The following PRKN variants were observed in gnomAD, a reference collection of about 807,000 sequenced individuals.
PRKN encodes the protein parkin RBR E3 ubiquitin protein ligase, also known as E3 ubiquitin-protein ligase parkin.
PRKN carries 56 observed loss-of-function variants against 59.5 expected under a neutral mutation model. The observed-to-expected ratio is 0.94, with a 90% CI of 0.76 to 1.18. The LOEUF is 1.18. Ranked by LOEUF, PRKN falls within the 50% of genes most tolerant of loss-of-function variation. The probability of loss-of-function intolerance (pLI) is 0.00; values close to 1 mark genes in which losing one functional copy is unlikely to be tolerated. For synonymous variants in PRKN, 250 were observed against 222.1 expected, an observed-to-expected ratio of 1.13 and a Z score of -1.12; for missense variants, 657 against 596.4, an observed-to-expected ratio of 1.10 and a Z score of -1.06.
At chr6:162,434,007 C>T (rs957322702) in intron 2 of PRKN, among the ~76,000 whole-genome samples, 1 of 152,112 alleles carries the variant, frequency 6.6e-6, no homozygotes, top group Admixed American at 6.5e-5. Flanking sequence ...ATCTGAGTGA[C>T]ACCTCTGAAT....
chr6:162,620,325 T>C (rs1422107212), intron 1 of PRKN, among the ~76,000 whole-genome samples: 1 of 152,210 alleles, frequency 6.6e-6, no homozygotes, highest in Non-Finnish European at 1.5e-5. Flanking sequence ...TTCCGTGTTC[T>C]GCCACCTTCT....
intron 2 of PRKN, among the ~76,000 whole-genome samples, chr6:162,313,133 T>TTG (rs1323661726): frequency 2.6e-5 from 4 of 152,148 alleles, no homozygotes; most frequent in African/African-American, 9.7e-5. Flanking sequence ...TTCATACAAT[T>TTG]TGCCATCTTA....
chr6:162,497,774 G>C (rs1297497502), intron 1 of PRKN, among the ~76,000 whole-genome samples: 5 of 152,160 alleles, frequency 3.3e-5, no homozygotes, highest in African/African-American at 1.2e-4. Context: ...AAGCATAAGG[G>C]GGGAGGAGGA....
intron 5 of PRKN, among the ~76,000 whole-genome samples, chr6:161,977,542 G>GTTCTTTTTTTTTTT (rs1781085385): frequency 9.6e-6 from 1 of 104,522 alleles, no homozygotes. Context: ...TGTTTTTTTG[G>GTTCTTTTTTTTTTT]TTTTTTTTTT....
At chr6:161,649,217 T>A (rs1187992358) in intron 7 of PRKN, among the ~76,000 whole-genome samples, 2 of 152,202 alleles carry the variant, frequency 1.3e-5, no homozygotes, top group Admixed American at 1.3e-4. Context: ...TACATTTGCA[T>A]GACTGACCCC....
chr6:161,941,619 A>G (rs1359163042), intron 6 of PRKN, among the ~76,000 whole-genome samples: 1 of 152,192 alleles, frequency 6.6e-6, no homozygotes, highest in East Asian at 1.9e-4. Flanking sequence ...CTGTCTACAG[A>G]TGGCTAAACT....
intron 5 of PRKN, among the ~76,000 whole-genome samples, chr6:162,021,462 T>TATA (rs1554261961): frequency 0.11 from 4,062 of 37,598 alleles, 56 homozygotes; most frequent in Admixed American, 0.15. Flanking sequence ...TATATATATA[T>TATA]TTTTTTTTTT....
intron 9 of PRKN, among the ~76,000 whole-genome samples, chr6:161,394,395 C>T (rs1409362540): frequency 6.6e-6 from 1 of 152,160 alleles, no homozygotes; most frequent in African/African-American, 2.4e-5. Flanking sequence ...TACTAATCCC[C>T]AGGGATATTA....
intron 4 of PRKN, among the ~76,000 whole-genome samples, chr6:162,193,710 T>A (rs1784383576): frequency 1.3e-5 from 2 of 152,164 alleles, no homozygotes; most frequent in Admixed American, 1.3e-4. Context: ...CAAAGGCTGA[T>A]TCACTGGCTG....
chr6:161,820,839 G>A (rs1013392519), intron 6 of PRKN, among the ~76,000 whole-genome samples: 9 of 151,520 alleles, frequency 5.9e-5, no homozygotes, highest in African/African-American at 2.2e-4. Flanking sequence ...GTGGTTATGT[G>A]TAACATAGTA....
At chr6:162,365,542 A>T (rs1562704512) in intron 2 of PRKN, among the ~76,000 whole-genome samples, 1 of 152,008 alleles carries the variant, frequency 6.6e-6, no homozygotes, top group Non-Finnish European at 1.5e-5. Context: ...GGAACTTCTT[A>T]TACCAAATCT....
chr6:161,450,845 A>G (rs569141081), intron 9 of PRKN, among the ~76,000 whole-genome samples: 66 of 128,046 alleles, frequency 5.2e-4, no homozygotes, highest in African/African-American at 1.1e-3. Context: ...GTGAGCCACC[A>G]TGCCCGGCTT....
chr6:162,700,017 A>G (rs574175212), intron 1 of PRKN, among the ~76,000 whole-genome samples: 25 of 152,340 alleles, frequency 1.6e-4, no homozygotes, highest in African/African-American at 3.8e-4. Context: ...AGCACTTCAC[A>G]CAAATAATCA....
Position 161,414,916 on chromosome 6 carries a change from G to A in PRKN, c.1084-28039C>T, listed in dbSNP as rs573555177. Among the ~76,000 whole-genome samples the A allele has an allele frequency of 1.3e-5, 2 of 152,302 alleles. No individual in the cohort carries two copies. The highest frequency in any genetic ancestry group is 4.1e-4 in the South Asian group (2 of 4,828). On this transcript the variant is annotated intron_variant, in intron 9 of 11. Transcript: ENST00000366898. The surrounding 1 kb of genome is among the most constrained non-coding windows in gnomAD (Gnocchi z 5.3). Reference sequence around the variant, plus strand: ...GAAATTAAATGCCTTTTGAAAGGGAGCTAGGCATAGGAGGAATTCACTTTC... The same window carrying A: ...GAAATTAAATGCCTTTTGAAAGGGAACTAGGCATAGGAGGAATTCACTTTC...
intron 1 of PRKN, among the ~76,000 whole-genome samples, chr6:162,585,389 A>G (rs13195226): frequency 0.12 from 18,702 of 152,146 alleles, 1,264 homozygotes; most frequent in Middle Eastern, 0.2. Flanking sequence ...CCCGTTACCC[A>G]TTGGCTGCAT....
At chr6:161,411,577 G>A (rs1349448438) in intron 9 of PRKN, among the ~76,000 whole-genome samples, 1 of 152,174 alleles carries the variant, frequency 6.6e-6, no homozygotes. Flanking sequence ...CACAGTGTCT[G>A]TCTGCGAACT....
chr6:162,727,350 C>G, intron 1 of PRKN: 1 of 333,568 alleles, frequency 3.0e-6, no homozygotes, highest in Non-Finnish European at 5.3e-6. Flanking sequence ...GGCTTCGGGA[C>G]CCCACACGGT....
At chr6:161,408,672 G>T (rs1388684505) in intron 9 of PRKN, among the ~76,000 whole-genome samples, 2 of 152,034 alleles carry the variant, frequency 1.3e-5, no homozygotes, top group African/African-American at 4.8e-5. Flanking sequence ...GGATCTGCAG[G>T]AAGAAAACAG....
At chr6:161,725,328 A>G (rs943900820) in intron 7 of PRKN, among the ~76,000 whole-genome samples, 1 of 152,236 alleles carries the variant, frequency 6.6e-6, no homozygotes, top group African/African-American at 2.4e-5. Context: ...AGTTCACTAG[A>G]TCATAAATTG....
Sources: allele counts gnomAD v4.1 joint callset (sites outside exome capture counted in the v4.1 genomes callset), GRCh38; gene constraint gnomAD v4.1.1; non-coding constraint Gnocchi (gnomAD v3.1); transcripts MANE v1.5; gene names NCBI Gene and HGNC (gene_info 2026-07-23, HGNC 2026-07-21).